BAZ1B: variants seen among roughly 807,000 people sequenced by gnomAD.
BAZ1B encodes the protein tyrosine-protein kinase BAZ1B.
Under a neutral mutation model 153.8 loss-of-function variants are expected in BAZ1B, and 22 were observed. The observed-to-expected ratio is 0.14, with a 90% CI of 0.10 to 0.20. The LOEUF (loss-of-function observed/expected upper bound fraction) is 0.20, where lower values mean the gene tolerates loss of function less well. Among genes scored for constraint, BAZ1B ranks in the 10% least tolerant of loss-of-function variants. The probability of loss-of-function intolerance (pLI) is 1.00; values close to 1 mark genes in which losing one functional copy is unlikely to be tolerated. For synonymous variants in BAZ1B, 676 were observed against 633.4 expected, an observed-to-expected ratio of 1.07 and a Z score of -1.01; for missense variants, 1,325 against 1,799.3, an observed-to-expected ratio of 0.74 and a Z score of 4.77.
chr7:73,476,078 C>A (rs1045704445), intron 7 of BAZ1B, among the ~76,000 whole-genome samples: 3 of 152,046 alleles, frequency 2.0e-5, no homozygotes, highest in Non-Finnish European at 2.9e-5. Context: ...ATTTATTATA[C>A]AATTCCATTT....
chr7:73,476,043 T>G (rs1276261991), intron 7 of BAZ1B, among the ~76,000 whole-genome samples: 1 of 152,160 alleles, frequency 6.6e-6, no homozygotes. Flanking sequence ...TAAAACATTA[T>G]GCTAAGTGAA....
At chr7:73,492,671 C>A (rs1583931003) in intron 5 of BAZ1B, 129 bp downstream of exon 5, 1 of 931,796 alleles carries the variant, frequency 1.1e-6, no homozygotes, top group Non-Finnish European at 1.6e-6. Flanking sequence ...ACTGTAACTA[C>A]AAAACCACTC....
At chr7:73,458,779 C>T (rs1788288166) in intron 13 of BAZ1B, among the ~76,000 whole-genome samples, 2 of 151,824 alleles carry the variant, frequency 1.3e-5, no homozygotes, top group Admixed American at 1.3e-4. Context: ...CGCTTACAAT[C>T]AAACTTTGAG....
At chr7:73,466,223 A>C in intron 10 of BAZ1B, 73 bp downstream of exon 10, 1 of 1,076,178 alleles carries the variant, frequency 9.3e-7, no homozygotes. Flanking sequence ...CACTGGCATC[A>C]CTATACTAAA....
rs1156829240 is a variant in BAZ1B, at chr7:73,497,065, C to CAAAA, written c.571+1428_571+1431dup. Among the ~76,000 whole-genome samples, 230 of 49,506 alleles carry CAAAA rather than the reference C, an allele frequency of 4.6e-3. 4 individuals carry two copies. Among genetic ancestry groups the CAAAA allele is most frequent in the African/African-American group, 0.019 (219 of 11,302 alleles). The allele number at this position is 49,506 out of a possible 152,430, so 32.5% of individuals were successfully genotyped here. A position where few individuals can be genotyped will look rare whatever the true frequency, so the allele number is the denominator to read the frequency against. ...ACAACATCGTGAGAACTGACCTCTA[C>CAAAA]AAAAAAAAAAAAAAAAAACCTACAA... On this transcript the variant is annotated intron_variant, in intron 4 of 19. Coordinates refer to ENST00000339594, the MANE Select transcript of BAZ1B (RefSeq NM_032408.4).
intron 13 of BAZ1B, among the ~76,000 whole-genome samples, chr7:73,453,247 C>CTAAG (rs1788079671): frequency 6.6e-6 from 1 of 152,262 alleles, no homozygotes; most frequent in Non-Finnish European, 1.5e-5. Flanking sequence ...CACTGCTGAA[C>CTAAG]TACTTAGTAG....
chr7:73,518,364 G>C (rs553929671), intron 1 of BAZ1B, among the ~76,000 whole-genome samples: 10 of 151,922 alleles, frequency 6.6e-5, no homozygotes, highest in African/African-American at 2.4e-4. Flanking sequence ...AGTGAGCCTA[G>C]ATCGCGCCAC....
chr7:73,494,182 GACC>G (rs1437200982), intron 4 of BAZ1B, among the ~76,000 whole-genome samples: 2 of 151,986 alleles, frequency 1.3e-5, no homozygotes, highest in Admixed American at 6.6e-5. Flanking sequence ...AAGAATTCGA[GACC>G]AGCCTGGCCA....
In BAZ1B at chr7:73,469,641, G is replaced by A. The variant is rs782248489; in HGVS notation, c.2742C>T (p.Leu914=). 2.5e-6 allele frequency: 4 copies of A among 1,613,954 alleles called. No individual in the cohort carries two copies. The South Asian group carries it at 3.3e-5, about 13-fold the overall frequency. The change falls in exon 9 of 20, where the codon CTC becomes CTT. Residue 914 remains leucine (L), a synonymous_variant. Coordinates refer to ENST00000339594, the MANE Select transcript of BAZ1B (RefSeq NM_032408.4). ...ATAATCCTGGAACTTCATCTGAGAA[G>A]AGCCAGTATCTACAAATCACAACCA... ...GTDRNHNRYW[L]FSDEVPGLFI...
chr7:73,477,863 T>C lies in BAZ1B; in HGVS notation c.1598A>G (p.Lys533Arg), dbSNP rs1554573095. Residue 533 changes from lysine to arginine, a missense_variant, in exon 7 of 20, where the codon AAG becomes AGG. Lys to Arg is a conservative substitution (Grantham distance 26). Transcript: ENST00000339594. The surrounding 1 kb of genome is among the most constrained non-coding windows in gnomAD (Gnocchi z 5.6). Reference protein sequence around the residue: ...QKRYELLEHKKRWASMSEEQR... With the variant: ...QKRYELLEHKRRWASMSEEQR... Reference sequence around the variant, plus strand: ...TTCTTCAGACATAGAAGCCCACCTCTTTTTGTGCTCTAGAAGTTCATAGCG... The same window carrying C: ...TTCTTCAGACATAGAAGCCCACCTCCTTTTGTGCTCTAGAAGTTCATAGCG... 4 of 1,613,966 alleles carry C rather than the reference T, an allele frequency of 2.5e-6. No individual in the cohort carries two copies. The highest frequency in any genetic ancestry group is 3.4e-6 in the Non-Finnish European group (4 of 1,180,000).
In BAZ1B at chr7:73,487,339, G is replaced by A. The variant is rs913935970; in HGVS notation, c.891+1855C>T. Among the ~76,000 whole-genome samples, 3 of 152,238 alleles carry A rather than the reference G, an allele frequency of 2.0e-5. No homozygotes were observed. The East Asian group carries it at 5.8e-4, about 29-fold the overall frequency. ...AGCTACTAGTGAGACACAGGGAGGA[G>A]GATCACTTGAGCCCAGAAATTTCAG... On this transcript the variant is annotated intron_variant, in intron 6 of 19. Coordinates refer to ENST00000339594, the MANE Select transcript of BAZ1B (RefSeq NM_032408.4).
chr7:73,509,727 C>T lies in BAZ1B; in HGVS notation c.224+1009G>A, dbSNP rs189336451. 1.2e-3 allele frequency among the ~76,000 whole-genome samples: 175 copies of T among 151,334 alleles called. 4 individuals carry two copies. The South Asian group carries it at 0.028, about 24-fold the overall frequency. On this transcript the variant is annotated intron_variant, in intron 2 of 19. Coordinates refer to ENST00000339594, the MANE Select transcript of BAZ1B (RefSeq NM_032408.4). ...TCTTAAAAAAAAGGAAACCAGGAAGCGTTAACATGTTGGAAACGTGACTTG... is the reference window on the plus strand; with the variant it reads ...TCTTAAAAAAAAGGAAACCAGGAAGTGTTAACATGTTGGAAACGTGACTTG...
chr7:73,517,875 C>T lies in BAZ1B; in HGVS notation c.107+3952G>A, dbSNP rs143445838. Among the ~76,000 whole-genome samples, 334 of 152,272 alleles carry T rather than the reference C, an allele frequency of 2.2e-3. 2 individuals carry two copies. The highest frequency in any genetic ancestry group is 7.9e-3 in the African/African-American group (328 of 41,542). ...TCAGTCTTGCAGGGATTGTTTCTTTCAATTAAGTACTTGATATCCTGAAAA... is the reference window on the plus strand; with the variant it reads ...TCAGTCTTGCAGGGATTGTTTCTTTTAATTAAGTACTTGATATCCTGAAAA... On this transcript the variant is annotated intron_variant, in intron 1 of 19. Coordinates refer to ENST00000339594, the MANE Select transcript of BAZ1B (RefSeq NM_032408.4).
At chr7:73,494,532 C>A (rs1297583884) in intron 4 of BAZ1B, among the ~76,000 whole-genome samples, 1 of 152,116 alleles carries the variant, frequency 6.6e-6, no homozygotes, top group East Asian at 1.9e-4. Flanking sequence ...ACTGCTTGAG[C>A]CCAGGAGTTT....
At chr7:73,465,946 T>C (rs568590113) in intron 10 of BAZ1B, among the ~76,000 whole-genome samples, 20 of 152,284 alleles carry the variant, frequency 1.3e-4, no homozygotes, top group Admixed American at 1.3e-4. Context: ...AGGAAACGAA[T>C]AGCTATGCAT....
Position 73,470,486 on chromosome 7 carries a change from G to A in BAZ1B, c.2594-3C>T. On this transcript the variant is annotated splice_region_variant and splice_polypyrimidine_tract_variant and intron_variant, in intron 7 of 19. Coordinates refer to ENST00000339594, the MANE Select transcript of BAZ1B (RefSeq NM_032408.4). Reference sequence around the variant, plus strand: ...TTCAGCTTGGCGTTCCAGTTTCACTGTTAAAAATAAAAAGACTCAAATCAG... The same window carrying A: ...TTCAGCTTGGCGTTCCAGTTTCACTATTAAAAATAAAAAGACTCAAATCAG... The A allele has an allele frequency of 1.2e-6, 2 of 1,609,880 alleles. No homozygotes were observed. The highest frequency in any genetic ancestry group is 1.3e-5 in the African/African-American group (1 of 74,640).
At chr7:73,500,359 G>A (rs140005277) in intron 3 of BAZ1B, among the ~76,000 whole-genome samples, 2 of 151,910 alleles carry the variant, frequency 1.3e-5, no homozygotes, top group East Asian at 1.9e-4. Flanking sequence ...GTAACATGGT[G>A]AAACCTCATC....
rs1348438174 is a variant in BAZ1B, at chr7:73,498,773, C to G, written c.370-75G>C. On this transcript the variant is annotated intron_variant, in intron 3 of 19. Transcript: ENST00000339594. ...CTGAAGATGTTTAGAACATATCATC[C>G]AATATACATGCCTCCTCAACTAACA... is the stretch of plus-strand genomic sequence containing the variant. 3 of 1,263,088 alleles carry G rather than the reference C, an allele frequency of 2.4e-6. No homozygotes were observed. The African/African-American group carries it at 4.5e-5, about 19-fold the overall frequency. The allele number at this position is 1,263,088 out of a possible 1,614,324, so 78.2% of individuals were successfully genotyped here. A position where few individuals can be genotyped will look rare whatever the true frequency, so the allele number is the denominator to read the frequency against.
At chr7:73,476,262 A>G (rs908063658) in intron 7 of BAZ1B, among the ~76,000 whole-genome samples, 4 of 152,308 alleles carry the variant, frequency 2.6e-5, no homozygotes, top group Middle Eastern at 3.4e-3. Context: ...ACTCTACTGA[A>G]AACACTAAAT....
Sources: gnomAD v4.1 joint callset for allele counts (sites outside exome capture counted in the v4.1 genomes callset) on GRCh38, gnomAD v4.1.1 for gene constraint, Gnocchi (gnomAD v3.1) non-coding constraint, MANE v1.5 for transcripts, NCBI Gene and HGNC (gene_info 2026-07-23, HGNC 2026-07-21) for gene names.